Variants in CDC42SE2 observed in about 807,000 individuals in gnomAD.
The protein encoded by CDC42SE2 is CDC42 small effector 2, also known as CDC42 small effector protein 2.
CDC42SE2 carries 3 observed loss-of-function variants against 11.5 expected under a neutral mutation model. The observed-to-expected ratio is 0.26, with a 90% CI of 0.12 to 0.67. CDC42SE2 has a LOEUF of 0.67. Ranked by LOEUF, CDC42SE2 falls within the 30% of genes least tolerant of loss-of-function variation. CDC42SE2 has a pLI of 0.80. For missense variants in CDC42SE2, 82 were observed against 106.8 expected (o/e 0.77, Z 1.02); for synonymous variants, 33 against 34.8 (o/e 0.95, Z 0.18).
At chr5:131,341,630 A>G (rs1004610168) in intron 2 of CDC42SE2, among the ~76,000 whole-genome samples, 6 of 152,224 alleles carry the variant, frequency 3.9e-5, no homozygotes, top group Non-Finnish European at 8.8e-5. Flanking sequence ...CTAGGAAGAA[A>G]CCAAAAGAAT....
At chr5:131,372,160 T>C (rs919404743) in intron 3 of CDC42SE2, among the ~76,000 whole-genome samples, 33 of 152,216 alleles carry the variant, frequency 2.2e-4, no homozygotes, top group African/African-American at 8.0e-4. Context: ...ATTAAGATAC[T>C]GGTGATAGTG....
At chr5:131,246,822 C>G (rs960578237) in intron 1 of CDC42SE2, among the ~76,000 whole-genome samples, 1 of 146,572 alleles carries the variant, frequency 6.8e-6, no homozygotes, top group Non-Finnish European at 1.5e-5. Flanking sequence ...CAGCTCACCA[C>G]AATCTCTGCC....
intron 2 of CDC42SE2, among the ~76,000 whole-genome samples, chr5:131,346,832 A>C (rs1758857973): frequency 6.6e-6 from 1 of 152,224 alleles, no homozygotes; most frequent in African/African-American, 2.4e-5. Context: ...TCAAACTAGA[A>C]CTCAGGATTA....
chr5:131,298,454 A>G (rs1217002483), intron 1 of CDC42SE2, among the ~76,000 whole-genome samples: 1 of 151,288 alleles, frequency 6.6e-6, no homozygotes, highest in Admixed American at 6.6e-5. Flanking sequence ...TAGGTACCAT[A>G]GAATCTTAGA....
At chr5:131,372,865 ATATAT>A (rs1458425065) in intron 3 of CDC42SE2, among the ~76,000 whole-genome samples, 2 of 152,252 alleles carry the variant, frequency 1.3e-5, no homozygotes, top group Admixed American at 6.5e-5. Flanking sequence ...GTGAATTAAA[ATATAT>A]TAAGATAATT....
At chr5:131,349,633 T>G (rs1758951714) in intron 2 of CDC42SE2, among the ~76,000 whole-genome samples, 1 of 152,198 alleles carries the variant, frequency 6.6e-6, no homozygotes, top group African/African-American at 2.4e-5. Flanking sequence ...TATGAGTATG[T>G]GTTTTGAGCA....
intron 2 of CDC42SE2, among the ~76,000 whole-genome samples, chr5:131,354,307 A>G (rs2149766088): frequency 6.6e-6 from 1 of 152,310 alleles, no homozygotes; most frequent in Admixed American, 6.5e-5. Context: ...TATAAAGCAA[A>G]TACCTGTGTA....
chr5:131,229,777 T>C, the CDC42SE2 span, among the ~76,000 whole-genome samples: 5 of 152,154 alleles, frequency 3.3e-5, no homozygotes, highest in South Asian at 8.3e-4. Context: ...CTATTAAGAA[T>C]ACAAAAATTA....
At chr5:131,321,564 G>A (rs1368018997) in intron 2 of CDC42SE2, among the ~76,000 whole-genome samples, 1 of 152,086 alleles carries the variant, frequency 6.6e-6, no homozygotes, top group Non-Finnish European at 1.5e-5. Context: ...GATGTATAAT[G>A]CTACATAAAA....
chr5:131,348,331 A>G (rs1561594175), intron 2 of CDC42SE2, among the ~76,000 whole-genome samples: 2 of 152,212 alleles, frequency 1.3e-5, no homozygotes, highest in South Asian at 2.1e-4. Flanking sequence ...AAAAATCACA[A>G]GCATTCTTAT....
At chr5:131,290,472 C>G (rs922020820) in intron 1 of CDC42SE2, among the ~76,000 whole-genome samples, 1 of 126,856 alleles carries the variant, frequency 7.9e-6, no homozygotes, top group Non-Finnish European at 1.7e-5. Flanking sequence ...TTTTTTCTTT[C>G]TTTTTTTTTT....
At chr5:131,317,485 T>C (rs1193538036) in intron 2 of CDC42SE2, among the ~76,000 whole-genome samples, 1 of 152,120 alleles carries the variant, frequency 6.6e-6, no homozygotes, top group Non-Finnish European at 1.5e-5. Context: ...CCCTAAAGTG[T>C]GCATCCCCAC....
intron 2 of CDC42SE2, among the ~76,000 whole-genome samples, chr5:131,257,811 G>A (rs538535327): frequency 8.7e-4 from 132 of 152,112 alleles, no homozygotes; most frequent in African/African-American, 2.9e-3. Flanking sequence ...CAAATCTCCC[G>A]GTGCTTTGAG....
upstream of CDC42SE2, among the ~76,000 whole-genome samples, chr5:131,242,339 C>A (rs547249063): frequency 2.0e-5 from 3 of 152,250 alleles, no homozygotes; most frequent in East Asian, 5.8e-4. Flanking sequence ...AAAAGCGAGT[C>A]CTTTCATCTC....
rs1750724688 is a variant in CDC42SE2 at position 131,393,356 on chromosome 5, AC to A, written c.*2267del. 6.6e-6 allele frequency: 1 copy of A among 152,360 alleles called. No individual in the cohort carries two copies. Among genetic ancestry groups the A allele is most frequent in the Non-Finnish European group, 1.5e-5 (1 of 68,038 alleles). 9.4% of individuals were successfully genotyped at this position (152,360 alleles called of 1,614,324 possible). On this transcript the variant is annotated 3_prime_UTR_variant, in exon 5 of 5. Transcript: ENST00000505065. ...TTTAATTTACCCAGTACAGCGGGGCACCAGATTACTTGATCTTTGTATTTTG... is the reference window on the plus strand; with the variant it reads ...TTTAATTTACCCAGTACAGCGGGGCACAGATTACTTGATCTTTGTATTTTG...
intron 3 of CDC42SE2, among the ~76,000 whole-genome samples, chr5:131,381,282 G>T (rs1750314027): frequency 6.6e-6 from 1 of 150,760 alleles, no homozygotes; most frequent in Non-Finnish European, 1.5e-5. Context: ...CCCTCTCACT[G>T]TTACCAAATC....
chr5:131,282,043 G>T (rs1188590242), intron 1 of CDC42SE2, among the ~76,000 whole-genome samples: 2 of 152,188 alleles, frequency 1.3e-5, no homozygotes, highest in African/African-American at 4.8e-5. Flanking sequence ...CTAGAAACAT[G>T]TATAACCCAG....
At chr5:131,297,750 AT>A (rs1757600959) in intron 1 of CDC42SE2, among the ~76,000 whole-genome samples, 1 of 151,836 alleles carries the variant, frequency 6.6e-6, no homozygotes, top group South Asian at 2.1e-4. Flanking sequence ...GTAAATAAAA[AT>A]TAAAAATTAT....
intron 2 of CDC42SE2, among the ~76,000 whole-genome samples, chr5:131,321,655 G>A (rs1758190093): frequency 6.6e-6 from 1 of 152,064 alleles, no homozygotes; most frequent in Admixed American, 6.6e-5. Context: ...CTAATATTAG[G>A]GGCTGTATTG....
Sources: gnomAD v4.1 joint callset for allele counts (sites outside exome capture counted in the v4.1 genomes callset) on GRCh38, gnomAD v4.1.1 for gene constraint, MANE v1.5 for transcripts, NCBI Gene and HGNC (gene_info 2026-07-23, HGNC 2026-07-21) for gene names.